Variants in NRG3 observed in about 807,000 individuals in gnomAD.
NRG3 encodes the protein pro-neuregulin-3, membrane-bound isoform.
NRG3 carries 31 observed loss-of-function variants against 66.9 expected under a neutral mutation model. The observed-to-expected ratio is 0.46, with a 90% CI of 0.35 to 0.63. The LOEUF is 0.63. Ranked by LOEUF, NRG3 falls within the 20% of genes least tolerant of loss-of-function variation. The pLI is 0.00. For missense variants in NRG3, 910 were observed against 878.9 expected (o/e 1.04, Z -0.45); for synonymous variants, 393 against 359.4 (o/e 1.09, Z -1.06).
chr10:82,967,695 T>C (rs1453906508), intron 6 of NRG3, among the ~76,000 whole-genome samples: 1 of 152,190 alleles, frequency 6.6e-6, no homozygotes, highest in Non-Finnish European at 1.5e-5. Context: ...TGGTAAAATA[T>C]TTTTACTACA....
chr10:82,634,911 G>C (rs1590958319), intron 2 of NRG3, among the ~76,000 whole-genome samples: 1 of 152,074 alleles, frequency 6.6e-6, no homozygotes, highest in East Asian at 1.9e-4. Flanking sequence ...ATGTGGGTTG[G>C]GATGAGGAAA....
intron 2 of NRG3, among the ~76,000 whole-genome samples, chr10:82,569,140 T>C (rs773095750): frequency 6.6e-6 from 1 of 151,766 alleles, no homozygotes; most frequent in South Asian, 2.1e-4. Context: ...TGAAAACTTA[T>C]GAAGAGTCCA....
intron 2 of NRG3, among the ~76,000 whole-genome samples, chr10:82,407,864 T>C (rs1410815000): frequency 6.6e-6 from 1 of 151,296 alleles, no homozygotes; most frequent in Admixed American, 6.6e-5. Context: ...AGGTCAGGAG[T>C]TCAAGACCAG....
intron 2 of NRG3, among the ~76,000 whole-genome samples, chr10:82,458,778 T>C (rs1294488663): frequency 1.3e-5 from 2 of 152,166 alleles, no homozygotes; most frequent in Admixed American, 6.5e-5. Context: ...TGTATCATCG[T>C]TGGGTTAAAA....
intron 2 of NRG3, among the ~76,000 whole-genome samples, chr10:82,568,155 C>T (rs75950914): frequency 6.6e-6 from 1 of 151,852 alleles, no homozygotes; most frequent in African/African-American, 2.4e-5. Flanking sequence ...ATGCCATACC[C>T]TTCATTGCTG....
chr10:82,440,435 A>G (rs562916807), intron 2 of NRG3, among the ~76,000 whole-genome samples: 1 of 134,050 alleles, frequency 7.5e-6, no homozygotes, highest in South Asian at 2.4e-4. Context: ...TTTTTGCTTC[A>G]TTAATGATAG....
intron 2 of NRG3, among the ~76,000 whole-genome samples, chr10:82,398,004 G>C (rs746260114): frequency 6.6e-6 from 1 of 152,156 alleles, no homozygotes; most frequent in Non-Finnish European, 1.5e-5. Flanking sequence ...AAGGAGAGTA[G>C]CCCAGTTCTG....
intron 2 of NRG3, among the ~76,000 whole-genome samples, chr10:82,682,347 A>T (rs1008317192): frequency 6.6e-6 from 1 of 152,176 alleles, no homozygotes; most frequent in Non-Finnish European, 1.5e-5. Flanking sequence ...AGATAGATAG[A>T]TGAAAGATAA....
chr10:82,985,331 C>T lies in NRG3; in HGVS notation c.1817C>T (p.Ser606Leu), dbSNP rs759843004. Reference protein sequence around the residue: ...KSIKWCKNSYSADVVNVSIPV... With the variant: ...KSIKWCKNSYLADVVNVSIPV... Reference sequence around the variant, plus strand: ...ATCAAATGGTGCAAAAACTCCTATTCAGCTGACGTTGTCAATGTGAGTATT... The same window carrying T: ...ATCAAATGGTGCAAAAACTCCTATTTAGCTGACGTTGTCAATGTGAGTATT... The change falls in exon 9 of 9, where the codon TCA (serine) becomes TTA (leucine). Residue 606 changes from serine to leucine, a missense_variant. Physicochemically the swap from Ser to Leu is moderately radical, Grantham distance 145. Coordinates refer to ENST00000372141, the MANE Select transcript of NRG3 (RefSeq NM_001010848.4). The T allele has an allele frequency of 1.9e-6, 3 of 1,614,156 alleles. No individual in the cohort carries two copies. In the South Asian group the frequency reaches 3.3e-5, roughly 18 times the overall value.
intron 1 of NRG3, among the ~76,000 whole-genome samples, chr10:82,171,816 G>A (rs2072637622): frequency 6.6e-6 from 1 of 152,084 alleles, no homozygotes; most frequent in Non-Finnish European, 1.5e-5. Flanking sequence ...GAAGAACAAG[G>A]ATATCCCTTC....
At chr10:82,850,604 G>A (rs1264684936) in intron 3 of NRG3, among the ~76,000 whole-genome samples, 1 of 151,978 alleles carries the variant, frequency 6.6e-6, no homozygotes, top group Non-Finnish European at 1.5e-5. Flanking sequence ...GTGCTTAACA[G>A]CATGAAAGCT....
intron 1 of NRG3, among the ~76,000 whole-genome samples, chr10:82,225,209 A>G (rs1490984576): frequency 6.6e-6 from 1 of 152,204 alleles, no homozygotes; most frequent in African/African-American, 2.4e-5. Flanking sequence ...TGCATGTTAA[A>G]AAATTACAAG....
At chr10:81,987,098 G>A (rs1466383642) in intron 1 of NRG3, among the ~76,000 whole-genome samples, 2 of 151,248 alleles carry the variant, frequency 1.3e-5, no homozygotes, top group Non-Finnish European at 2.9e-5. Context: ...TTTTTTCTGA[G>A]AGGGAGTCTT....
rs998198224 is a variant in NRG3, at chr10:82,692,796, G to A, written c.954-45781G>A. Among the ~76,000 whole-genome samples, 23 of 152,314 alleles carry A rather than the reference G, an allele frequency of 1.5e-4. 1 individual carries two copies. Among genetic ancestry groups the A allele is most frequent in the South Asian group, 6.2e-4 (3 of 4,824 alleles). On this transcript the variant is annotated intron_variant, in intron 2 of 8. Coordinates refer to ENST00000372141, the MANE Select transcript of NRG3 (RefSeq NM_001010848.4). ...TTGGAGATTCTGCAGGGATTCTTCC[G>A]TATCTGCGTAGGCCTTTGTCTGCCT...
intron 4 of NRG3, among the ~76,000 whole-genome samples, chr10:82,946,191 G>C (rs1174901054): frequency 6.7e-6 from 1 of 149,728 alleles, no homozygotes; most frequent in South Asian, 2.1e-4. Context: ...CTTTGAACTA[G>C]TGACATTTAA....
intron 1 of NRG3, among the ~76,000 whole-genome samples, chr10:81,957,497 C>A (rs1336078758): frequency 1.3e-5 from 2 of 152,202 alleles, no homozygotes; most frequent in East Asian, 3.9e-4. Flanking sequence ...TGCTTTATTT[C>A]CTTCATATAC....
chr10:82,898,715 C>CTTTTTTTTTTTTTTT (rs765058089), intron 4 of NRG3, among the ~76,000 whole-genome samples: 1 of 89,398 alleles, frequency 1.1e-5, no homozygotes, highest in African/African-American at 4.6e-5. Context: ...GGAGTTTTAC[C>CTTTTTTTTTTTTTTT]TTTTTTTTTT....
At chr10:82,813,698 A>T (rs902582360) in intron 3 of NRG3, among the ~76,000 whole-genome samples, 1 of 152,204 alleles carries the variant, frequency 6.6e-6, no homozygotes, top group East Asian at 1.9e-4. Context: ...GTCTTTTGTA[A>T]CACAGTCTCA....
intron 2 of NRG3, among the ~76,000 whole-genome samples, chr10:82,584,347 A>C (rs934501832): frequency 2.6e-5 from 4 of 152,010 alleles, no homozygotes; most frequent in African/African-American, 9.7e-5. Context: ...CAGCCTCCCA[A>C]AGTGCTGGGA....
Sources: allele counts gnomAD v4.1 joint callset (sites outside exome capture counted in the v4.1 genomes callset), GRCh38; gene constraint gnomAD v4.1.1; transcripts MANE v1.5; gene names NCBI Gene and HGNC (gene_info 2026-07-23, HGNC 2026-07-21).